SPAG6: variants seen among roughly 807,000 people sequenced by gnomAD.
SPAG6 encodes the protein sperm associated antigen 6.
In SPAG6, 49 loss-of-function variants were observed where a neutral mutation model predicts 58.5. The observed-to-expected ratio is 0.84, with a 90% CI of 0.67 to 1.06. The LOEUF (loss-of-function observed/expected upper bound fraction) is 1.06. Among genes scored for constraint, SPAG6 ranks in the 50% least tolerant of loss-of-function variants. The pLI is 0.00. For synonymous variants in SPAG6, 233 were observed against 225.6 expected (o/e 1.03, Z -0.29); for missense variants, 560 against 611.3 (o/e 0.92, Z 0.89).
intron 4 of SPAG6, among the ~76,000 whole-genome samples, chr10:22,370,253 AGT>A (rs1485962327): frequency 6.6e-6 from 1 of 152,184 alleles, no homozygotes; most frequent in African/African-American, 2.4e-5. Flanking sequence ...CCAGATTTTC[AGT>A]GTGTGTCTAT....
chr10:22,368,419 T>G, intron 3 of SPAG6, 76 bp from the exon 4 acceptor site: 1 of 1,070,602 alleles, frequency 9.3e-7, no homozygotes, highest in Non-Finnish European at 1.4e-6. Context: ...TATTTTTATG[T>G]AGTTTTGGTC....
chr10:22,391,697 C>T (rs1157023607), intron 7 of SPAG6, 32 bp from the exon 8 acceptor site: 3 of 1,599,138 alleles, frequency 1.9e-6, no homozygotes, highest in African/African-American at 2.7e-5. Context: ...GCTCTAGATT[C>T]ATAACACTTG....
chr10:22,409,956 A>G (rs1834688843), intron 9 of SPAG6, among the ~76,000 whole-genome samples: 1 of 152,178 alleles, frequency 6.6e-6, no homozygotes, highest in Non-Finnish European at 1.5e-5. Context: ...CTGAAACTTT[A>G]AAGTTTGCCT....
chr10:22,352,107 C>T (rs1459238163), intron 2 of SPAG6, among the ~76,000 whole-genome samples: 1 of 151,880 alleles, frequency 6.6e-6, no homozygotes, highest in African/African-American at 2.4e-5. Flanking sequence ...CTTGCAGTGA[C>T]CCGAGATCGC....
At chr10:22,414,781 T>G (rs1834829414) in intron 10 of SPAG6, among the ~76,000 whole-genome samples, 1 of 152,216 alleles carries the variant, frequency 6.6e-6, no homozygotes, top group African/African-American at 2.4e-5. Context: ...AATTAATTTT[T>G]TTGAGACGGA....
intron 2 of SPAG6, among the ~76,000 whole-genome samples, chr10:22,355,409 A>G (rs2132035037): frequency 6.6e-6 from 1 of 152,362 alleles, no homozygotes; most frequent in South Asian, 2.1e-4. Flanking sequence ...CTAAAAAATG[A>G]TATATCAGAT....
chr10:22,365,068 A>T lies in SPAG6; in HGVS notation c.288+49A>T, dbSNP rs534898297. The T allele has an allele frequency of 2.3e-5, 32 of 1,415,380 alleles. No individual in the cohort carries two copies. In the African/African-American group the frequency reaches 4.2e-4, roughly 19 times the overall value. The allele number at this position is 1,415,380 out of a possible 1,614,324, so 87.7% of individuals were successfully genotyped here. A position where few individuals can be genotyped will look rare whatever the true frequency, so the allele number is the denominator to read the frequency against. On this transcript the variant is annotated intron_variant, in intron 3 of 10. Transcript: ENST00000376624. ...ATATGTTTTTTTGTTTTAGATTTTT[A>T]AAAATGTGACAGTTTGGATACAGTT... is the stretch of plus-strand genomic sequence containing the variant.
At chr10:22,396,259 AT>A (rs1834289890) in intron 8 of SPAG6, among the ~76,000 whole-genome samples, 1 of 152,106 alleles carries the variant, frequency 6.6e-6, no homozygotes, top group Admixed American at 6.5e-5. Context: ...GTGGGAGATA[AT>A]TTGAATCATG....
Position 22,401,175 on chromosome 10 carries a change from A to C in SPAG6, c.1212A>C (p.Ile404=). 1 of 1,568,564 alleles carries C rather than the reference A, an allele frequency of 6.4e-7. No individual in the cohort carries two copies. The highest frequency in any genetic ancestry group is 1.1e-5 in the South Asian group (1 of 90,046). The part of the protein sequence containing the change: ...EDLQVKSKKA[I]KNILQKCTYL... The stretch of plus-strand genomic sequence containing the variant: ...TGTATTTCTAGAGTAAAAAAGCCAT[A>C]AAGAATATCCTGCAAAAATGTACCT... Residue 404 remains isoleucine (I), a synonymous_variant, in exon 9 of 11, where the codon ATA becomes ATC. Coordinates refer to ENST00000376624, the MANE Select transcript of SPAG6 (RefSeq NM_012443.4).
At chr10:22,352,147 C>A (rs1321590487) in intron 2 of SPAG6, among the ~76,000 whole-genome samples, 1 of 150,786 alleles carries the variant, frequency 6.6e-6, no homozygotes, top group Non-Finnish European at 1.5e-5. Context: ...GGCGACAGAG[C>A]GAGACTCCGT....
At position 22,345,718 on chromosome 10, in the gene SPAG6, C is replaced by T. The variant is rs1011883604; in HGVS notation, c.26-5C>T. Reference sequence around the variant, plus strand: ...GGTGGGCTCCACCGACTCTCTCTCCCGCAGTGTTCGAGCAATACCAGAAGG... The same window carrying T: ...GGTGGGCTCCACCGACTCTCTCTCCTGCAGTGTTCGAGCAATACCAGAAGG... On this transcript the variant is annotated splice_region_variant and splice_polypyrimidine_tract_variant and intron_variant, in intron 1 of 10. Coordinates refer to ENST00000376624, the MANE Select transcript of SPAG6 (RefSeq NM_012443.4). The surrounding 1 kb of genome is among the most constrained non-coding windows in gnomAD (Gnocchi z 6.3). The T allele has an allele frequency of 3.1e-6, 5 of 1,609,984 alleles. No individual in the cohort carries two copies. In the African/African-American group the frequency reaches 4.0e-5, roughly 13 times the overall value.
intron 3 of SPAG6, among the ~76,000 whole-genome samples, chr10:22,367,828 A>C (rs1837239877): frequency 6.6e-6 from 1 of 151,988 alleles, no homozygotes; most frequent in African/African-American, 2.4e-5. Flanking sequence ...AAATTTACAA[A>C]ATGGTAAGTA....
At chr10:22,352,728 T>G (rs558678293) in intron 2 of SPAG6, among the ~76,000 whole-genome samples, 3 of 152,262 alleles carry the variant, frequency 2.0e-5, no homozygotes, top group South Asian at 4.1e-4. Context: ...AGGCTGGTCT[T>G]GAACTCCTGA....
chr10:22,389,304 A>G lies in SPAG6; in HGVS notation c.997A>G (p.Ile333Val). ...HSENLAMAVI[I>V]SKGVPQLSVC... The stretch of plus-strand genomic sequence containing the variant: ...TGAGAACCTAGCAATGGCAGTCATC[A>G]TTTCTAAGGTTTGTTCTTGCTTCGT... Residue 333 changes from isoleucine (I) to valine (V), a missense_variant, in exon 7 of 11, where the codon ATT becomes GTT. By Grantham distance (29) the Ile-to-Val change is conservative. Transcript: ENST00000376624. 5 of 1,611,752 alleles carry G rather than the reference A, an allele frequency of 3.1e-6. No homozygotes were observed. The South Asian group carries it at 5.5e-5, about 18-fold the overall frequency.
Position 22,411,835 on chromosome 10 carries a change from T to C in SPAG6, c.1460+659T>C, listed in dbSNP as rs540937960. On this transcript the variant is annotated intron_variant, in intron 10 of 10. Coordinates refer to ENST00000376624, the MANE Select transcript of SPAG6 (RefSeq NM_012443.4). ...AAAAAAAGAGAATGATTTAAACAAC[T>C]GAATCTTTTTTTTTTTTTTTTTTTT... Among the ~76,000 whole-genome samples the C allele has an allele frequency of 6.4e-5, 9 of 141,376 alleles. No homozygotes were observed. In the East Asian group the frequency reaches 1.9e-3, roughly 30 times the overall value. The allele number at this position is 141,376 out of a possible 152,430, so 92.7% of individuals were successfully genotyped here.
chr10:22,412,143 C>G (rs1834756379), intron 10 of SPAG6, among the ~76,000 whole-genome samples: 2 of 152,310 alleles, frequency 1.3e-5, no homozygotes, highest in African/African-American at 4.8e-5. Flanking sequence ...GCCACCGCGA[C>G]CGCCCGGCCA....
chr10:22,412,887 A>C (rs960384917), intron 10 of SPAG6: 9 of 154,488 alleles, frequency 5.8e-5, no homozygotes, highest in Non-Finnish European at 1.3e-4. Flanking sequence ...TTATATTTTA[A>C]AAGTTTGTAT....
intron 4 of SPAG6, among the ~76,000 whole-genome samples, chr10:22,381,156 A>G (rs1833945552): frequency 6.6e-6 from 1 of 152,130 alleles, no homozygotes; most frequent in Admixed American, 6.5e-5. Flanking sequence ...CATGACTTCA[A>G]AAATTAAAAG....
intron 3 of SPAG6, among the ~76,000 whole-genome samples, chr10:22,367,106 A>G (rs1399673511): frequency 6.6e-6 from 1 of 152,028 alleles, no homozygotes; most frequent in Non-Finnish European, 1.5e-5. Context: ...GAATGAGATC[A>G]GAAAGTGTTA....
Sources: allele counts gnomAD v4.1 joint callset (sites outside exome capture counted in the v4.1 genomes callset), GRCh38; gene constraint gnomAD v4.1.1; non-coding constraint Gnocchi (gnomAD v3.1); transcripts MANE v1.5; gene names NCBI Gene and HGNC (gene_info 2026-07-23, HGNC 2026-07-21).